OTUD7A: variants seen among roughly 807,000 people sequenced by gnomAD.
OTUD7A encodes OTU deubiquitinase 7A.
OTUD7A carries 12 observed loss-of-function variants against 65.7 expected under a neutral mutation model. The ratio of observed to expected loss-of-function variants is 0.18; its 90% CI spans 0.12 to 0.30. The LOEUF is 0.30. Ranked by LOEUF, OTUD7A falls within the 10% of genes least tolerant of loss-of-function variation. OTUD7A has a pLI of 1.00. For synonymous variants in OTUD7A, 641 were observed against 586.3 expected, an observed-to-expected ratio of 1.09 and a Z score of -1.35; for missense variants, 1,148 against 1,304.8, an observed-to-expected ratio of 0.88 and a Z score of 1.85.
intron 5 of OTUD7A, among the ~76,000 whole-genome samples, chr15:31,537,869 G>C (rs78548845): frequency 0.013 from 1,951 of 152,332 alleles, 43 homozygotes; most frequent in African/African-American, 0.045. Context: ...AGGAGGGACA[G>C]GGAATATGCT....
chr15:31,600,227 G>A (rs955417322), intron 3 of OTUD7A, among the ~76,000 whole-genome samples: 5 of 152,184 alleles, frequency 3.3e-5, no homozygotes, highest in Non-Finnish European at 5.9e-5. Context: ...AGGTTGAAAT[G>A]CAGGAAAAAC....
At chr15:31,676,227 T>C (rs911777344) in intron 1 of OTUD7A, among the ~76,000 whole-genome samples, 5 of 152,206 alleles carry the variant, frequency 3.3e-5, no homozygotes, top group African/African-American at 1.2e-4. Context: ...TGGTAGATGA[T>C]AATGGCAGAT....
intron 1 of OTUD7A, among the ~76,000 whole-genome samples, chr15:31,811,912 A>T (rs1050538350): frequency 6.6e-6 from 1 of 152,176 alleles, no homozygotes; most frequent in African/African-American, 2.4e-5. Flanking sequence ...CTCACTCTGC[A>T]CAGCGGGAGG....
At chr15:31,811,806 G>A (rs1271182268) in intron 1 of OTUD7A, among the ~76,000 whole-genome samples, 2 of 152,168 alleles carry the variant, frequency 1.3e-5, no homozygotes, top group African/African-American at 4.8e-5. Flanking sequence ...AGTCCGCCTG[G>A]CCAGAACACC....
At position 31,484,029 on chromosome 15, in the gene OTUD7A, A is replaced by AGCG. The variant is rs2041189990; in HGVS notation, c.2064_2066dup (p.Ala696dup). 6 of 1,169,082 alleles carry AGCG rather than the reference A, an allele frequency of 5.1e-6. No homozygotes were observed. In the African/African-American group the frequency reaches 1.0e-4, roughly 20 times the overall value. The allele number at this position is 1,169,082 out of a possible 1,614,324, so 72.4% of individuals were successfully genotyped here. ...CCGTGGCGGCGGCGGCGGCGGCGGC[A>AGCG]GCGGCGGCCGCAGTAGCGGCGTCGC... On this transcript the variant is annotated inframe_insertion, in exon 13 of 13. Transcript: ENST00000307050. The surrounding 1 kb of genome is among the most constrained non-coding windows in gnomAD (Gnocchi z 4.5).
rs1454328134 is a variant in OTUD7A, at chr15:31,483,783, C to A, written c.2313G>T (p.Pro771=). The A allele has an allele frequency of 2.4e-5, 25 of 1,043,574 alleles. No individual in the cohort carries two copies. Among genetic ancestry groups the A allele is most frequent in the African/African-American group, 6.9e-5 (4 of 57,704 alleles). The allele number at this position is 1,043,574 out of a possible 1,614,324, so 64.6% of individuals were successfully genotyped here. Residue 771 remains proline, a synonymous_variant, in exon 13 of 13, where the codon CCG becomes CCT. Coordinates refer to ENST00000307050, the MANE Select transcript of OTUD7A (RefSeq NM_001382637.1). Reference sequence around the variant, plus strand: ...GGATGACGCTCTGGCGCGCTGGCGCCGGGGGGCTGCGGCCAGGCACTGGTC... The same window carrying A: ...GGATGACGCTCTGGCGCGCTGGCGCAGGGGGGCTGCGGCCAGGCACTGGTC... ...ASGPVPGRSP[P]APARQSVIHV...
At chr15:31,548,905 G>C (rs1888224435) in intron 5 of OTUD7A, among the ~76,000 whole-genome samples, 1 of 152,150 alleles carries the variant, frequency 6.6e-6, no homozygotes, top group Non-Finnish European at 1.5e-5. Flanking sequence ...GGAGGCTGAG[G>C]TGGGTGGATC....
chr15:31,770,635 T>G (rs1259457874), intron 1 of OTUD7A, among the ~76,000 whole-genome samples: 1 of 152,168 alleles, frequency 6.6e-6, no homozygotes, highest in East Asian at 1.9e-4. Context: ...ATATCCTTCA[T>G]GAACACAGAC....
intron 3 of OTUD7A, among the ~76,000 whole-genome samples, chr15:31,638,969 C>T (rs1044223897): frequency 6.6e-6 from 1 of 152,090 alleles, no homozygotes; most frequent in Non-Finnish European, 1.5e-5. Context: ...CCCATCTCTA[C>T]TAAAAATACA....
At chr15:31,540,502 T>C (rs1165211100) in intron 5 of OTUD7A, among the ~76,000 whole-genome samples, 1 of 152,210 alleles carries the variant, frequency 6.6e-6, no homozygotes, top group Admixed American at 6.5e-5. Flanking sequence ...AGTTCCACTA[T>C]TTCTTAGCAG....
intron 1 of OTUD7A, among the ~76,000 whole-genome samples, chr15:31,818,485 G>A (rs889152020): frequency 6.6e-6 from 1 of 152,202 alleles, no homozygotes; most frequent in African/African-American, 2.4e-5. Flanking sequence ...CTGCTTCCAG[G>A]TGAAGGGAGA....
intron 1 of OTUD7A, among the ~76,000 whole-genome samples, chr15:31,665,305 C>T (rs893124331): frequency 4.6e-5 from 7 of 152,076 alleles, no homozygotes; most frequent in African/African-American, 1.7e-4. Context: ...GGGATGTGTT[C>T]CCAATTGTTT....
At chr15:31,862,403 A>G (rs997271546) in intron 1 of OTUD7A, among the ~76,000 whole-genome samples, 2 of 152,186 alleles carry the variant, frequency 1.3e-5, no homozygotes, top group Admixed American at 1.3e-4. Context: ...TGCTTGTATT[A>G]GTTCATTTTC....
At chr15:31,632,386 G>A (rs1384787499) in intron 3 of OTUD7A, among the ~76,000 whole-genome samples, 5 of 152,204 alleles carry the variant, frequency 3.3e-5, no homozygotes, top group South Asian at 2.1e-4. Flanking sequence ...TATCAGCAGC[G>A]GTGGCTGCAG....
intron 1 of OTUD7A, among the ~76,000 whole-genome samples, chr15:31,863,130 G>A (rs1223780614): frequency 6.6e-6 from 1 of 152,216 alleles, no homozygotes; most frequent in Non-Finnish European, 1.5e-5. Context: ...AGAGATGGAT[G>A]CCCGTGGTCT....
chr15:31,603,358 T>A (rs1890139277), intron 3 of OTUD7A, among the ~76,000 whole-genome samples: 1 of 152,194 alleles, frequency 6.6e-6, no homozygotes, highest in South Asian at 2.1e-4. Context: ...ATTCCCTATT[T>A]AATAAATAGT....
At chr15:31,755,984 CAT>C (rs1335814994) in intron 1 of OTUD7A, among the ~76,000 whole-genome samples, 1 of 152,192 alleles carries the variant, frequency 6.6e-6, no homozygotes, top group African/African-American at 2.4e-5. Flanking sequence ...AAAGGCGTAT[CAT>C]GAGTCACAGA....
chr15:31,583,690 T>A (rs973634989), intron 3 of OTUD7A, among the ~76,000 whole-genome samples: 1 of 152,036 alleles, frequency 6.6e-6, no homozygotes, highest in African/African-American at 2.4e-5. Context: ...CCCAGCCATG[T>A]GGAACTGTGA....
Position 31,569,813 on chromosome 15 carries a change from C to A in OTUD7A, c.331+205G>T, listed in dbSNP as rs370552328. On this transcript the variant is annotated intron_variant, in intron 4 of 12. Coordinates refer to ENST00000307050, the MANE Select transcript of OTUD7A (RefSeq NM_001382637.1). ...GTCCTAGGAAATCAGACTCATTTTTCTGCTTTTCTGAGGTAGAGGTTGGAA... is the reference window on the plus strand; with the variant it reads ...GTCCTAGGAAATCAGACTCATTTTTATGCTTTTCTGAGGTAGAGGTTGGAA... Among the ~76,000 whole-genome samples the A allele has an allele frequency of 1.4e-4, 22 of 152,290 alleles. No individual in the cohort carries two copies. In the East Asian group the frequency reaches 4.0e-3, roughly 28 times the overall value.
Sources: gnomAD v4.1 joint callset for allele counts (sites outside exome capture counted in the v4.1 genomes callset) on GRCh38, gnomAD v4.1.1 for gene constraint, Gnocchi (gnomAD v3.1) non-coding constraint, MANE v1.5 for transcripts, NCBI Gene and HGNC (gene_info 2026-07-23, HGNC 2026-07-21) for gene names.